The following GLUD1 variants were observed in gnomAD, a reference collection of about 807,000 sequenced individuals.
GLUD1 encodes glutamate dehydrogenase 1.
Under a neutral mutation model 56.0 loss-of-function variants are expected in GLUD1, and 22 were observed. The ratio of observed to expected loss-of-function variants is 0.39; its 90% CI spans 0.28 to 0.56. GLUD1 has a LOEUF of 0.56. Ranked by LOEUF, GLUD1 falls within the 20% of genes least tolerant of loss-of-function variation. The probability of loss-of-function intolerance (pLI) is 0.58; values close to 1 mark genes in which losing one functional copy is unlikely to be tolerated. For synonymous variants in GLUD1, 223 were observed against 269.9 expected (o/e 0.83, Z 1.70); for missense variants, 451 against 732.0 (o/e 0.62, Z 4.43).
chr10:87,053,212 T>C, intron 12 of GLUD1, 130 bp downstream of exon 12: 2 of 720,446 alleles, frequency 2.8e-6, no homozygotes, highest in Admixed American at 4.1e-5. Flanking sequence ...TGTGTTTTGC[T>C]ACACACAAAT....
intron 4 of GLUD1, among the ~76,000 whole-genome samples, chr10:87,072,667 C>T (rs915057014): frequency 3.3e-5 from 5 of 152,180 alleles, no homozygotes; most frequent in African/African-American, 1.2e-4. Context: ...TCCAATGAAT[C>T]ACTTTTTGAC....
At chr10:87,076,050 T>C (rs776511258) in intron 2 of GLUD1, 27 bp from the exon 3 acceptor site, 2 of 1,545,772 alleles carry the variant, frequency 1.3e-6, no homozygotes, top group South Asian at 1.1e-5. Flanking sequence ...ATGGTTGCTA[T>C]TCCATATAAA....
chr10:87,082,626 G>GCTAA (rs1841289270), intron 1 of GLUD1, among the ~76,000 whole-genome samples: 1 of 152,188 alleles, frequency 6.6e-6, no homozygotes, highest in Non-Finnish European at 1.5e-5. Flanking sequence ...TATTGCCTGG[G>GCTAA]CTAAAGAAGA....
intron 1 of GLUD1, among the ~76,000 whole-genome samples, chr10:87,084,089 C>T (rs1841327839): frequency 6.6e-6 from 1 of 152,170 alleles, no homozygotes; most frequent in South Asian, 2.1e-4. Context: ...TCTGTGCACT[C>T]AGCTCACCAG....
At chr10:87,081,342 C>A (rs565169501) in intron 1 of GLUD1, among the ~76,000 whole-genome samples, 1 of 150,024 alleles carries the variant, frequency 6.7e-6, no homozygotes, top group Admixed American at 6.6e-5. Context: ...AGCCCCCCAC[C>A]CAGCCAGCCG....
At chr10:87,068,844 C>T (rs1564770501) in intron 4 of GLUD1, among the ~76,000 whole-genome samples, 4 of 151,798 alleles carry the variant, frequency 2.6e-5, no homozygotes, top group Admixed American at 1.3e-4. Context: ...CTACTACTGA[C>T]GGCTACAGTA....
chr10:87,077,903 G>A (rs1440286551), intron 1 of GLUD1, among the ~76,000 whole-genome samples: 1 of 151,984 alleles, frequency 6.6e-6, no homozygotes, highest in East Asian at 1.9e-4. Context: ...GTAAGTAATG[G>A]GAGCCCCAGG....
At chr10:87,073,610 C>CTTTT (rs71019462) in intron 4 of GLUD1, among the ~76,000 whole-genome samples, 13 of 74,140 alleles carry the variant, frequency 1.8e-4, no homozygotes, top group Non-Finnish European at 2.5e-4. Context: ...AATTAACATT[C>CTTTT]TTTTTTTTTT....
chr10:87,062,140 A>G (rs1845955099), intron 6 of GLUD1, among the ~76,000 whole-genome samples: 1 of 151,934 alleles, frequency 6.6e-6, no homozygotes, highest in African/African-American at 2.4e-5. Context: ...CTGGTCTCGA[A>G]CTCCTGGCCT....
chr10:87,069,630 A>G (rs150120977), intron 4 of GLUD1, among the ~76,000 whole-genome samples: 1 of 152,316 alleles, frequency 6.6e-6, no homozygotes, highest in Non-Finnish European at 1.5e-5. Context: ...TAGTCAACAG[A>G]ATCAGTATAT....
chr10:87,080,536 C>T (rs1439873293), intron 1 of GLUD1, among the ~76,000 whole-genome samples: 24 of 151,164 alleles, frequency 1.6e-4, no homozygotes, highest in Non-Finnish European at 3.4e-4. Context: ...AAGTGAGGAG[C>T]GTCTCTGCCC....
At chr10:87,064,376 C>A (rs1846020882) in intron 5 of GLUD1, among the ~76,000 whole-genome samples, 1 of 151,948 alleles carries the variant, frequency 6.6e-6, no homozygotes, top group African/African-American at 2.4e-5. Context: ...ATCGGTGGAG[C>A]AGGAGAAACT....
intron 1 of GLUD1, among the ~76,000 whole-genome samples, chr10:87,083,816 T>TAC (rs10535860): frequency 0.024 from 3,678 of 151,140 alleles, 72 homozygotes; most frequent in Middle Eastern, 0.071. Context: ...ATCCCATCTC[T>TAC]ACACACACAC....
chr10:87,066,371 G>A (rs1166873190), intron 5 of GLUD1, among the ~76,000 whole-genome samples: 1 of 152,082 alleles, frequency 6.6e-6, no homozygotes, highest in Non-Finnish European at 1.5e-5. Context: ...GTTTCCCTGT[G>A]TTTTCAGGAC....
intron 12 of GLUD1, among the ~76,000 whole-genome samples, chr10:87,052,449 T>C (rs1845659191): frequency 6.6e-6 from 1 of 151,818 alleles, no homozygotes; most frequent in Non-Finnish European, 1.5e-5. Context: ...GATTGCACCA[T>C]TGCACTCCAG....
Position 87,068,168 on chromosome 10 carries a change from A to G in GLUD1, c.647-11T>C. 1 of 1,567,890 alleles carries G rather than the reference A, an allele frequency of 6.4e-7. No homozygotes were observed. Among genetic ancestry groups the G allele is most frequent in the South Asian group, 1.1e-5 (1 of 90,150 alleles). On this transcript the variant is annotated splice_polypyrimidine_tract_variant and intron_variant, in intron 4 of 12. Transcript: ENST00000277865. The stretch of plus-strand genomic sequence containing the variant: ...CATCAATGCCAGGACCTGCGGGGGC[A>G]CAGGGAAAGAGGAGTGCACCAGTTT...
At chr10:87,080,169 A>C (rs1841177659) in intron 1 of GLUD1, among the ~76,000 whole-genome samples, 1 of 151,842 alleles carries the variant, frequency 6.6e-6, no homozygotes, top group African/African-American at 2.4e-5. Context: ...CCAGCTCCTA[A>C]CCGCGAGTGA....
At position 87,061,259 on chromosome 10, in the gene GLUD1, C is replaced by T. The variant is rs145369675; in HGVS notation, c.922-207G>A. The T allele has an allele frequency of 2.5e-3, 1,690 of 679,864 alleles. 25 individuals carry two copies. In the African/African-American group the frequency reaches 0.027, roughly 11 times the overall value. 42.1% of individuals were successfully genotyped at this position (679,864 alleles called of 1,614,324 possible). ...TGTGATGAGCGGGCATGGTGGCTCA[C>T]GCTTGTAATTCCAGCACTTTGGGAG... On this transcript the variant is annotated intron_variant, in intron 6 of 12. Transcript: ENST00000277865.
chr10:87,056,396 C>T (rs952444317), intron 11 of GLUD1, among the ~76,000 whole-genome samples: 5 of 150,348 alleles, frequency 3.3e-5, no homozygotes, highest in Admixed American at 1.3e-4. Context: ...TGGGTTCAAG[C>T]GATTCTCCTG....
Sources: gnomAD v4.1 joint callset for allele counts (sites outside exome capture counted in the v4.1 genomes callset) on GRCh38, gnomAD v4.1.1 for gene constraint, MANE v1.5 for transcripts, NCBI Gene and HGNC (gene_info 2026-07-23, HGNC 2026-07-21) for gene names.